Variants in MIPOL1 observed in about 807,000 individuals in gnomAD.
MIPOL1 encodes the protein mirror-image polydactyly gene 1 protein.
Under a neutral mutation model 60.9 loss-of-function variants are expected in MIPOL1, and 57 were observed. The ratio of observed to expected loss-of-function variants is 0.94; its 90% CI spans 0.76 to 1.17. MIPOL1 has a LOEUF of 1.17. Among genes scored for constraint, MIPOL1 ranks in the 50% most tolerant of loss-of-function variants. MIPOL1 has a pLI of 0.00. For missense variants in MIPOL1, 551 were observed against 511.6 expected, an observed-to-expected ratio of 1.08 and a Z score of -0.74; for synonymous variants, 179 against 168.8, an observed-to-expected ratio of 1.06 and a Z score of -0.47.
chr14:37,287,745 GTGT>G (rs1217050269), intron 7 of MIPOL1, among the ~76,000 whole-genome samples: 2 of 151,982 alleles, frequency 1.3e-5, no homozygotes, highest in African/African-American at 2.4e-5. Context: ...GAAAAAAAAG[GTGT>G]TGGAGTCATC....
chr14:37,293,139 A>G (rs2085261988), intron 7 of MIPOL1, among the ~76,000 whole-genome samples: 1 of 88,266 alleles, frequency 1.1e-5, no homozygotes, highest in Non-Finnish European at 2.7e-5. Context: ...TCTTCATGAA[A>G]AGTTTTTCTT....
chr14:37,201,792 A>G (rs1040645904), intron 1 of MIPOL1, among the ~76,000 whole-genome samples: 2 of 152,082 alleles, frequency 1.3e-5, no homozygotes, highest in African/African-American at 4.8e-5. Flanking sequence ...CCCACCATCC[A>G]TGTTAACATT....
At chr14:37,494,567 G>A (rs931726512) in intron 11 of MIPOL1, among the ~76,000 whole-genome samples, 3 of 152,118 alleles carry the variant, frequency 2.0e-5, no homozygotes, top group Non-Finnish European at 4.4e-5. Context: ...GTGATGCAGG[G>A]CTTTATAGAC....
chr14:37,471,226 G>A (rs776406580), intron 11 of MIPOL1, among the ~76,000 whole-genome samples: 49 of 152,276 alleles, frequency 3.2e-4, no homozygotes, highest in Non-Finnish European at 6.0e-4. Context: ...TTCTAAATGA[G>A]ATGATCCCAA....
chr14:37,477,649 CAT>C (rs1299483014), intron 11 of MIPOL1, among the ~76,000 whole-genome samples: 4 of 152,150 alleles, frequency 2.6e-5, no homozygotes, highest in Non-Finnish European at 4.4e-5. Flanking sequence ...CACCTGACCT[CAT>C]GTGACAAGTC....
intron 7 of MIPOL1, among the ~76,000 whole-genome samples, chr14:37,289,849 T>C (rs2084905645): frequency 6.6e-6 from 1 of 152,082 alleles, no homozygotes; most frequent in Admixed American, 6.6e-5. Flanking sequence ...CCAGCCTCCA[T>C]CCAGAAGGTA....
At chr14:37,213,607 A>G (rs767286959) in intron 1 of MIPOL1, among the ~76,000 whole-genome samples, 7 of 152,204 alleles carry the variant, frequency 4.6e-5, no homozygotes, top group Non-Finnish European at 7.4e-5. Context: ...TCTAAGAGGT[A>G]TTGGCCTTAA....
chr14:37,501,471 A>G (rs929099547), intron 12 of MIPOL1: 1 of 152,166 alleles, frequency 6.6e-6, no homozygotes. Context: ...GACCAATTCT[A>G]TTTTCAAAAA....
intron 9 of MIPOL1, among the ~76,000 whole-genome samples, chr14:37,318,384 T>C (rs771877157): frequency 7.9e-5 from 12 of 152,202 alleles, no homozygotes; most frequent in Non-Finnish European, 1.5e-4. Context: ...TTTAGAGTTA[T>C]GTTTTTCAGG....
intron 1 of MIPOL1, among the ~76,000 whole-genome samples, chr14:37,239,315 G>A (rs1372692742): frequency 6.6e-6 from 1 of 151,970 alleles, no homozygotes; most frequent in East Asian, 1.9e-4. Flanking sequence ...AAAGTGCTGG[G>A]ATTACAGGCG....
intron 11 of MIPOL1, among the ~76,000 whole-genome samples, chr14:37,462,171 A>G (rs752110902): frequency 5.3e-5 from 8 of 152,334 alleles, no homozygotes; most frequent in South Asian, 2.1e-4. Flanking sequence ...CCAAACCTCA[A>G]TTCTTGACTT....
At chr14:37,410,148 C>A (rs1403862683) in intron 10 of MIPOL1, among the ~76,000 whole-genome samples, 1 of 152,136 alleles carries the variant, frequency 6.6e-6, no homozygotes, top group Non-Finnish European at 1.5e-5. Flanking sequence ...AGGAAAAATA[C>A]AGATTCCTTT....
intron 11 of MIPOL1, among the ~76,000 whole-genome samples, chr14:37,466,203 G>T (rs2094596626): frequency 6.6e-6 from 1 of 152,112 alleles, no homozygotes; most frequent in Admixed American, 6.5e-5. Context: ...AAAGGGGTTG[G>T]GTTGTTTTAT....
At position 37,500,078 on chromosome 14, in the gene MIPOL1, T is replaced by C. The variant is rs919468964; in HGVS notation, c.1202T>C (p.Met401Thr). The C allele has an allele frequency of 6.2e-7, 1 of 1,613,850 alleles. No individual in the cohort carries two copies. Among genetic ancestry groups the C allele is most frequent in the Non-Finnish European group, 8.5e-7 (1 of 1,179,842 alleles). ...CAAGCTCTGACAGAGCGAGCAAATATGGAATTACAACTTCAACATGCCAGA... is the reference window on the plus strand; with the variant it reads ...CAAGCTCTGACAGAGCGAGCAAATACGGAATTACAACTTCAACATGCCAGA... ...LQQALTERAN[M>T]ELQLQHAREA... Residue 401 changes from methionine to threonine, a missense_variant, in exon 12 of 13, where the codon ATG becomes ACG. By Grantham distance (81) the Met-to-Thr change is moderately conservative. Coordinates refer to ENST00000684589, the MANE Select transcript of MIPOL1 (RefSeq NM_001388067.1).
At chr14:37,541,026 G>A (rs2095527627) in intron 12 of MIPOL1, among the ~76,000 whole-genome samples, 1 of 152,086 alleles carries the variant, frequency 6.6e-6, no homozygotes, top group Non-Finnish European at 1.5e-5. Flanking sequence ...TCCAGCTTCT[G>A]CATTCATGCT....
intron 11 of MIPOL1, among the ~76,000 whole-genome samples, chr14:37,451,845 C>T (rs1476115854): frequency 1.8e-5 from 2 of 114,132 alleles, no homozygotes; most frequent in Admixed American, 9.0e-5. Flanking sequence ...GACGGAGTCT[C>T]GCTCTGTGGC....
Position 37,213,298 on chromosome 14 carries a change from G to A in MIPOL1, c.-199+15194G>A, listed in dbSNP as rs112937514. 2.6e-3 allele frequency among the ~76,000 whole-genome samples: 397 copies of A among 152,268 alleles called. 2 individuals carry two copies. The highest frequency in any genetic ancestry group is 9.0e-3 in the African/African-American group (374 of 41,558). The stretch of plus-strand genomic sequence containing the variant: ...GAGAATTCAAAATAGCTGTGTTGAG[G>A]CCACTCAAAGAAATTCAAGATAACA... On this transcript the variant is annotated intron_variant, in intron 1 of 12. Coordinates refer to ENST00000684589, the MANE Select transcript of MIPOL1 (RefSeq NM_001388067.1).
intron 1 of MIPOL1, among the ~76,000 whole-genome samples, chr14:37,242,511 A>G (rs572897305): frequency 1.3e-5 from 2 of 152,318 alleles, no homozygotes; most frequent in Non-Finnish European, 1.5e-5. Context: ...TACACATAGT[A>G]TATATAGATC....
intron 10 of MIPOL1, among the ~76,000 whole-genome samples, chr14:37,372,359 C>T (rs2092663027): frequency 6.6e-6 from 1 of 151,798 alleles, no homozygotes; most frequent in Non-Finnish European, 1.5e-5. Flanking sequence ...TTCTAATAAC[C>T]AGAGATCTTT....
Sources: allele counts gnomAD v4.1 joint callset (sites outside exome capture counted in the v4.1 genomes callset), GRCh38; gene constraint gnomAD v4.1.1; transcripts MANE v1.5; gene names NCBI Gene and HGNC (gene_info 2026-07-23, HGNC 2026-07-21).